Variants in AIM2 observed in about 807,000 individuals in gnomAD.
AIM2 encodes interferon-inducible protein AIM2.
Under a neutral mutation model 27.7 loss-of-function variants are expected in AIM2, and 30 were observed. That is an observed-to-expected ratio of 1.08 (90% CI 0.81 to 1.47). The LOEUF is 1.47. Among genes scored for constraint, AIM2 ranks in the 40% most tolerant of loss-of-function variants. The pLI, the probability that AIM2 is intolerant of heterozygous loss-of-function variation, is 0.00. For missense variants in AIM2, 358 were observed against 411.3 expected (o/e 0.87, Z 1.12); for synonymous variants, 141 against 145.3 (o/e 0.97, Z 0.21).
At chr1:159,059,004 T>C (rs369022498), downstream of AIM2, among the ~76,000 whole-genome samples, 84 of 152,254 alleles carry the variant, frequency 5.5e-4, no homozygotes, top group African/African-American at 1.9e-3. Flanking sequence ...CTCTGCCCAG[T>C]GTGCGGGCTG....
chr1:159,079,327 TC>T (rs1380699122), upstream of AIM2, among the ~76,000 whole-genome samples: 2 of 152,010 alleles, frequency 1.3e-5, no homozygotes, highest in Non-Finnish European at 2.9e-5. Context: ...AAGATCTCTT[TC>T]TAAAAGTATG....
intron 2 of AIM2, 25 bp from the exon 3 acceptor site, chr1:159,068,726 C>T (rs756774110): frequency 1.2e-6 from 2 of 1,610,776 alleles, no homozygotes; most frequent in Non-Finnish European, 1.7e-6. Context: ...AAAGACATGG[C>T]CAATAAGCAT....
At chr1:159,096,843 G>C (rs1347826605) in intron 1 of AIM2, among the ~76,000 whole-genome samples, 1 of 152,050 alleles carries the variant, frequency 6.6e-6, no homozygotes, top group African/African-American at 2.4e-5. Context: ...AAGGATGATG[G>C]GGGGAATGGG....
At chr1:159,059,474 G>T (rs1354902511), downstream of AIM2, among the ~76,000 whole-genome samples, 1 of 152,204 alleles carries the variant, frequency 6.6e-6, no homozygotes, top group Non-Finnish European at 1.5e-5. Context: ...GTTAGGAACA[G>T]ATGCCATACT....
At chr1:159,091,294 T>C (rs1657035960) in intron 1 of AIM2, among the ~76,000 whole-genome samples, 1 of 152,184 alleles carries the variant, frequency 6.6e-6, no homozygotes, top group African/African-American at 2.4e-5. Flanking sequence ...TTGTGTCCAA[T>C]CCTATTAATA....
intron 1 of AIM2, among the ~76,000 whole-genome samples, chr1:159,092,850 C>A (rs1657077528): frequency 1.3e-5 from 2 of 151,826 alleles, no homozygotes; most frequent in African/African-American, 2.4e-5. Flanking sequence ...ATGGTGAAAC[C>A]CCATCTCCAT....
intron 1 of AIM2, among the ~76,000 whole-genome samples, chr1:159,136,151 A>T (rs1648006776): frequency 6.6e-6 from 1 of 152,146 alleles, no homozygotes; most frequent in South Asian, 2.1e-4. Flanking sequence ...TTTAAAATAC[A>T]TTATGCATGT....
chr1:159,142,070 T>G (rs1648125130), upstream of AIM2, among the ~76,000 whole-genome samples: 2 of 152,042 alleles, frequency 1.3e-5, no homozygotes, highest in Non-Finnish European at 2.9e-5. Flanking sequence ...CCACCCCCAC[T>G]CCCTCACTGT....
At chr1:159,059,862 T>A (rs567253661), downstream of AIM2, among the ~76,000 whole-genome samples, 1 of 152,316 alleles carries the variant, frequency 6.6e-6, no homozygotes, top group South Asian at 2.1e-4. Flanking sequence ...CTCTAATGCC[T>A]TGATCGCACC....
intron 1 of AIM2, among the ~76,000 whole-genome samples, chr1:159,109,517 A>G (rs1657521383): frequency 6.6e-6 from 1 of 152,258 alleles, no homozygotes; most frequent in South Asian, 2.1e-4. Context: ...TTTCATGATT[A>G]AGAACCCAAA....
At chr1:159,113,351 G>T (rs1423539428) in intron 1 of AIM2, among the ~76,000 whole-genome samples, 3 of 152,120 alleles carry the variant, frequency 2.0e-5, no homozygotes, top group African/African-American at 7.2e-5. Context: ...GAAATCAAAA[G>T]ACCTCTTCTG....
At chr1:159,088,686 G>A (rs1435781772) in intron 1 of AIM2, among the ~76,000 whole-genome samples, 2 of 152,116 alleles carry the variant, frequency 1.3e-5, no homozygotes, top group Non-Finnish European at 2.9e-5. Context: ...ATGGATTAAT[G>A]GCTTAATGGA....
chr1:159,073,967 A>T (rs557860470), intron 1 of AIM2, among the ~76,000 whole-genome samples: 15 of 152,264 alleles, frequency 9.9e-5, no homozygotes, highest in African/African-American at 3.6e-4. Context: ...TGAACCTGGG[A>T]GGTGGAGGTT....
At chr1:159,092,436 C>A (rs577263757) in intron 1 of AIM2, among the ~76,000 whole-genome samples, 1 of 152,314 alleles carries the variant, frequency 6.6e-6, no homozygotes, top group Admixed American at 6.5e-5. Context: ...AGACTGGCCC[C>A]TCTTCTGGAC....
At position 159,062,694 on chromosome 1, in the gene AIM2, A is replaced by AT. The variant is rs1557889335; in HGVS notation, c.1029dup (p.Ter344IlefsTer4). On this transcript the variant is annotated frameshift_variant, in exon 6 of 6. Transcript: ENST00000368130. LOFTEE classifies it high-confidence loss of function. The stretch of plus-strand genomic sequence containing the variant: ...TTGAATTGGTCCTTTTTACTTCTCT[A>AT]TGTTTTTTTTTTGGCCTTAATAACC... The AT allele has an allele frequency of 1.9e-6, 3 of 1,612,120 alleles. No individual in the cohort carries two copies. The highest frequency in any genetic ancestry group is 2.5e-6 in the Non-Finnish European group (3 of 1,179,296).
chr1:159,056,874 T>C, the AIM2 span, among the ~76,000 whole-genome samples: 1 of 151,946 alleles, frequency 6.6e-6, no homozygotes, highest in African/African-American at 2.4e-5. Context: ...TGTCCCGTAG[T>C]ACGGAGACAC....
At chr1:159,087,930 T>G (rs1020846094) in intron 1 of AIM2, among the ~76,000 whole-genome samples, 4 of 152,190 alleles carry the variant, frequency 2.6e-5, no homozygotes, top group African/African-American at 9.7e-5. Flanking sequence ...ATTTCTGCAT[T>G]GCCAGAGTGA....
intron 1 of AIM2, among the ~76,000 whole-genome samples, chr1:159,120,389 A>G (rs1647501100): frequency 6.6e-6 from 1 of 152,150 alleles, no homozygotes; most frequent in Non-Finnish European, 1.5e-5. Context: ...TTAGGAAGAC[A>G]AGACGTGCAA....
chr1:159,076,466 A>G (rs1208218520), intron 1 of AIM2, among the ~76,000 whole-genome samples, 167 bp downstream of exon 1: 1 of 152,228 alleles, frequency 6.6e-6, no homozygotes, highest in Admixed American at 6.5e-5. Flanking sequence ...ACATGGCTAA[A>G]GTGAATAAAA....
Sources: allele counts gnomAD v4.1 joint callset (sites outside exome capture counted in the v4.1 genomes callset), GRCh38; gene constraint gnomAD v4.1.1; transcripts MANE v1.5; gene names NCBI Gene and HGNC (gene_info 2026-07-23, HGNC 2026-07-21).